BNIP5: variants seen among roughly 807,000 people sequenced by gnomAD.
BNIP5 encodes protein BNIP5.
In BNIP5, 61 loss-of-function variants were observed where a neutral mutation model predicts 67.3. The ratio of observed to expected loss-of-function variants is 0.91; its 90% CI spans 0.74 to 1.12. BNIP5 has a LOEUF of 1.12. Among genes scored for constraint, BNIP5 ranks in the 50% most tolerant of loss-of-function variants. BNIP5 has a pLI of 0.00. For missense variants in BNIP5, 826 were observed against 816.3 expected (o/e 1.01, Z -0.14); for synonymous variants, 317 against 319.0 (o/e 0.99, Z 0.07).
Position 36,326,528 on chromosome 6 carries a change from A to G in BNIP5, c.1018T>C (p.Ser340Pro), listed in dbSNP as rs1338213094. ...LPLCVSGHRP[S>P]ISSSYGLEEP... is the part of the protein sequence containing the mutation. ...TGCTCACCATAGCTGCTGGAGATGG[A>G]AGGCCGATGGCCGCTGACACACAGG... Residue 340 changes from serine (S) to proline (P), a missense_variant, in exon 5 of 12, where the codon TCC becomes CCC. Physicochemically the swap from Ser to Pro is moderately conservative, Grantham distance 74. Coordinates refer to ENST00000437635, the MANE Select transcript of BNIP5 (RefSeq NM_001010903.5). The G allele has an allele frequency of 6.2e-7, 1 of 1,614,130 alleles. No homozygotes were observed. Among genetic ancestry groups the G allele is most frequent in the Non-Finnish European group, 8.5e-7 (1 of 1,180,044 alleles).
intron 6 of BNIP5, among the ~76,000 whole-genome samples, 187 bp downstream of exon 6, chr6:36,325,096 G>A (rs901700841): frequency 1.3e-5 from 2 of 152,112 alleles, no homozygotes; most frequent in African/African-American, 2.4e-5. Flanking sequence ...GCCATTTATC[G>A]AGGTTCAGAC....
At position 36,330,521 on chromosome 6, in the gene BNIP5, C is replaced by G. The variant is rs757992117; in HGVS notation, c.170G>C (p.Arg57Thr). 5 of 1,613,990 alleles carry G rather than the reference C, an allele frequency of 3.1e-6. No individual in the cohort carries two copies. The Admixed American group carries it at 8.3e-5, about 27-fold the overall frequency. The stretch of plus-strand genomic sequence containing the variant: ...AGATGGAGCTGGGCTGTCTGAATGT[C>G]TGGCCCAATCACTGGTCGTCCAGTG... ...ALHWTTSDWA[R>T]HSDSPAPSAE... Residue 57 changes from arginine to threonine, a missense_variant, in exon 2 of 12, where the codon AGA (arginine) becomes ACA (threonine). Arg to Thr is a moderately conservative substitution (Grantham distance 71, BLOSUM62 -1). Coordinates refer to ENST00000437635, the MANE Select transcript of BNIP5 (RefSeq NM_001010903.5).
In BNIP5 at chr6:36,330,420, G is replaced by A. The variant is rs532977141; in HGVS notation, c.271C>T (p.Pro91Ser). The part of the protein sequence containing the change: ...TGDFLPSEQR[P>S]SQDTKKGWLK... ...CACCCCTTCTTGGTGTCTTGCGAAG[G>A]CCTCTGCTCGCTGGGGAGAAAATCT... Residue 91 changes from proline (P) to serine (S), a missense_variant, in exon 2 of 12, where the codon CCT (proline) becomes TCT (serine). Pro to Ser is a moderately conservative substitution (Grantham distance 74). Coordinates refer to ENST00000437635, the MANE Select transcript of BNIP5 (RefSeq NM_001010903.5). The A allele has an allele frequency of 8.1e-6, 13 of 1,614,176 alleles. No individual in the cohort carries two copies. Among genetic ancestry groups the A allele is most frequent in the Non-Finnish European group, 1.1e-5 (13 of 1,180,038 alleles).
chr6:36,327,685 C>A (rs1190510067), intron 3 of BNIP5, among the ~76,000 whole-genome samples: 1 of 152,144 alleles, frequency 6.6e-6, no homozygotes, highest in Non-Finnish European at 1.5e-5. Flanking sequence ...CACGGAGAAG[C>A]CACTGACAAT....
intron 11 of BNIP5, among the ~76,000 whole-genome samples, chr6:36,318,097 TG>T (rs1771558115): frequency 2.0e-5 from 3 of 152,180 alleles, no homozygotes; most frequent in Non-Finnish European, 4.4e-5. Context: ...ACAACTACCA[TG>T]AAATAAGCCA....
intron 1 of BNIP5, among the ~76,000 whole-genome samples, chr6:36,330,897 G>A (rs1771891072): frequency 1.3e-5 from 2 of 152,108 alleles, no homozygotes; most frequent in African/African-American, 2.4e-5. Context: ...CTGAGTAGCT[G>A]GAATAACAGG....
At chr6:36,329,987 TC>T in intron 2 of BNIP5, 93 bp downstream of exon 2, 2 of 1,403,280 alleles carry the variant, frequency 1.4e-6, no homozygotes, top group Non-Finnish European at 1.9e-6. Flanking sequence ...CCCTGACAGC[TC>T]CCCCGACTAT....
At chr6:36,330,842 C>A in intron 1 of BNIP5, 148 bp from the exon 2 acceptor site, 1 of 1,049,880 alleles carries the variant, frequency 9.5e-7, no homozygotes, top group Non-Finnish European at 1.3e-6. Flanking sequence ...CAGCTCACTG[C>A]AACCTCTACC....
At chr6:36,324,264 T>A in intron 6 of BNIP5, 74 bp from the exon 7 acceptor site, 1 of 1,345,614 alleles carries the variant, frequency 7.4e-7, no homozygotes, top group South Asian at 1.2e-5. Flanking sequence ...CATTTCCTAA[T>A]GCCCCGGTGG....
chr6:36,317,390 T>A lies in BNIP5; in HGVS notation c.1925A>T (p.Asn642Ile). 1 of 1,613,172 alleles carries A rather than the reference T, an allele frequency of 6.2e-7. No individual in the cohort carries two copies. The highest frequency in any genetic ancestry group is 1.3e-5 in the African/African-American group (1 of 75,040). The change falls in exon 12 of 12, where the codon AAC becomes ATC. Residue 642 changes from asparagine to isoleucine, a missense_variant and splice_region_variant. Physicochemically the swap from Asn to Ile is moderately radical, Grantham distance 149. Transcript: ENST00000437635. The part of the protein sequence containing the change: ...TQFPYREDQP[N>I]ITSPKVESPD ...ACTTTCAACCTTAGGACTTGTGATGTTCTGGGAAGAGAAAAAGAACATAGG... is the reference window on the plus strand; with the variant it reads ...ACTTTCAACCTTAGGACTTGTGATGATCTGGGAAGAGAAAAAGAACATAGG...
chr6:36,335,697 C>G (rs1367822518), intron 1 of BNIP5, among the ~76,000 whole-genome samples: 4 of 152,194 alleles, frequency 2.6e-5, no homozygotes, highest in Non-Finnish European at 5.9e-5. Flanking sequence ...TTGACATGAT[C>G]TCATTTCATC....
chr6:36,333,209 C>T (rs950839722), intron 1 of BNIP5, among the ~76,000 whole-genome samples: 1 of 152,366 alleles, frequency 6.6e-6, no homozygotes, highest in East Asian at 1.9e-4. Context: ...GATGGTATTG[C>T]AGCCCCAGGT....
intron 5 of BNIP5, among the ~76,000 whole-genome samples, chr6:36,326,065 T>A (rs763019): frequency 0.37 from 55,987 of 151,990 alleles, 10,609 homozygotes; most frequent in East Asian, 0.48. Flanking sequence ...GGACTGATCG[T>A]GTTATAGATA....
At chr6:36,318,493 T>A (rs1005962921) in intron 11 of BNIP5, among the ~76,000 whole-genome samples, 4 of 151,084 alleles carry the variant, frequency 2.6e-5, no homozygotes, top group Non-Finnish European at 4.4e-5. Flanking sequence ...AGATTTCTTG[T>A]GGCCAGGAGT....
Position 36,326,705 on chromosome 6 carries a change from CTGGTGCTGGGTT to C in BNIP5, c.829_840del (p.Asn277_Pro280del). The C allele has an allele frequency of 6.2e-7, 1 of 1,614,236 alleles. No homozygotes were observed. Among genetic ancestry groups the C allele is most frequent in the African/African-American group, 1.3e-5 (1 of 75,052 alleles). On this transcript the variant is annotated inframe_deletion, in exon 5 of 12. Coordinates refer to ENST00000437635, the MANE Select transcript of BNIP5 (RefSeq NM_001010903.5). Reference sequence around the variant, plus strand: ...TTCTCTTGGGATTTCTTCCTAACAGCTGGTGCTGGGTTTGGCAGGGCCACCCCCAGCTGTGAG... The same window carrying C: ...TTCTCTTGGGATTTCTTCCTAACAGCTGGCAGGGCCACCCCCAGCTGTGAG...
chr6:36,324,005 A>C, intron 7 of BNIP5, 124 bp downstream of exon 7: 1 of 759,510 alleles, frequency 1.3e-6, no homozygotes, highest in Non-Finnish European at 2.2e-6. Flanking sequence ...GTCTCCAAAA[A>C]AAAAAAAAAA....
At chr6:36,319,022 A>G (rs1771576273) in intron 11 of BNIP5, among the ~76,000 whole-genome samples, 1 of 152,216 alleles carries the variant, frequency 6.6e-6, no homozygotes, top group Non-Finnish European at 1.5e-5. Context: ...AACAGAGCCC[A>G]CAAAATAATA....
At position 36,321,152 on chromosome 6, in the gene BNIP5, C is replaced by T; in HGVS notation, c.1668+3G>A. 1 of 1,581,260 alleles carries T rather than the reference C, an allele frequency of 6.3e-7. No individual in the cohort carries two copies. On this transcript the variant is annotated splice_donor_region_variant and intron_variant, in intron 10 of 11. Transcript: ENST00000437635. The stretch of plus-strand genomic sequence containing the variant: ...GGCCTGGGGAGGGCTGAGTGGTACT[C>T]ACCTGCTGCCCCAGTTGGCCATCCA...
chr6:36,319,629 A>G lies in BNIP5; in HGVS notation c.1669-19T>C. On this transcript the variant is annotated intron_variant, in intron 10 of 11. Coordinates refer to ENST00000437635, the MANE Select transcript of BNIP5 (RefSeq NM_001010903.5). ...GCCTGATCTGGAAGTGGAAATGAAAACAGGTCATTAGTGTTGCTGGCAGTA... is the reference window on the plus strand; with the variant it reads ...GCCTGATCTGGAAGTGGAAATGAAAGCAGGTCATTAGTGTTGCTGGCAGTA... 2 of 1,605,396 alleles carry G rather than the reference A, an allele frequency of 1.2e-6. No individual in the cohort carries two copies. The highest frequency in any genetic ancestry group is 1.3e-5 in the African/African-American group (1 of 74,734).
Sources: gnomAD v4.1 joint callset for allele counts (sites outside exome capture counted in the v4.1 genomes callset) on GRCh38, gnomAD v4.1.1 for gene constraint, MANE v1.5 for transcripts, NCBI Gene and HGNC (gene_info 2026-07-23, HGNC 2026-07-21) for gene names.